IL16: variants seen among roughly 807,000 people sequenced by gnomAD.
The protein encoded by IL16 is interleukin 16.
In IL16, 67 loss-of-function variants were observed where a neutral mutation model predicts 110.1. That is an observed-to-expected ratio of 0.61 (90% confidence interval 0.50 to 0.75). The LOEUF is 0.75. IL16 is among the 30% of genes least tolerant of loss of function. IL16 has a pLI of 0.00. For synonymous variants in IL16, 689 were observed against 662.9 expected (o/e 1.04, Z -0.61); for missense variants, 1,545 against 1,655.0 (o/e 0.93, Z 1.15).
Position 81,292,560 on chromosome 15 carries a change from C to G in IL16, c.1425C>G (p.Val475=). The G allele has an allele frequency of 6.2e-7, 1 of 1,606,610 alleles. No homozygotes were observed. Among genetic ancestry groups the G allele is most frequent in the African/African-American group, 1.3e-5 (1 of 74,902 alleles). Residue 475 remains valine, a synonymous_variant, in exon 12 of 19, where the codon GTC becomes GTG. Coordinates refer to ENST00000683961, the MANE Select transcript of IL16 (RefSeq NM_172217.5). Reference sequence around the variant, plus strand: ...TCTCTTGTGCTTCCCACACAGGTGTCAAAAGGCTGGAAAGCAGTTGGCACG... The same window carrying G: ...TCTCTTGTGCTTCCCACACAGGTGTGAAAAGGCTGGAAAGCAGTTGGCACG... ...KERHQWSLEG[V]KRLESSWHGR...
chr15:81,285,508 G>C (rs566024097), intron 9 of IL16, among the ~76,000 whole-genome samples, 190 bp from the exon 10 acceptor site: 16 of 152,336 alleles, frequency 1.1e-4, no homozygotes, highest in African/African-American at 3.8e-4. Context: ...TGTACGGTAA[G>C]GGGGTATGGG....
At chr15:81,272,321 G>T (rs965466409) in intron 5 of IL16, among the ~76,000 whole-genome samples, 2 of 152,194 alleles carry the variant, frequency 1.3e-5, no homozygotes, top group Non-Finnish European at 2.9e-5. Context: ...ATTTGCAGGG[G>T]AAGCTGTGCC....
chr15:81,279,629 C>A lies in IL16; in HGVS notation c.936C>A (p.His312Gln), dbSNP rs1205938737. The A allele has an allele frequency of 1.9e-6, 3 of 1,614,222 alleles. No homozygotes were observed. Among genetic ancestry groups the A allele is most frequent in the Admixed American group, 3.3e-5 (2 of 60,036 alleles). Residue 312 changes from histidine (H) to glutamine (Q), a missense_variant, in exon 8 of 19, where the codon CAC (histidine) becomes CAA (glutamine). Coordinates refer to ENST00000683961, the MANE Select transcript of IL16 (RefSeq NM_172217.5). ...CGGCGCCTCCTTCCCTGTGCAGCCA[C>A]CTGTCTCCCCCACTGTGCCGCTCCC... ...RLTAPPSLCS[H>Q]LSPPLCRSLS...
chr15:81,279,869 C>A, intron 8 of IL16, 95 bp downstream of exon 8: 3 of 1,052,974 alleles, frequency 2.8e-6, no homozygotes, highest in Non-Finnish European at 4.3e-6. Context: ...AGAGGTAGGG[C>A]AGGATGTTGT....
At chr15:81,236,793 C>T (rs1199924239) in intron 2 of IL16, among the ~76,000 whole-genome samples, 3 of 151,922 alleles carry the variant, frequency 2.0e-5, no homozygotes, top group Non-Finnish European at 4.4e-5. Flanking sequence ...CCTGTCTCTA[C>T]GAAATACACA....
In IL16 at chr15:81,303,712, A is replaced by G; in HGVS notation, c.3420+62A>G. 8.8e-7 allele frequency: 1 copy of G among 1,132,688 alleles called. No individual in the cohort carries two copies. Among genetic ancestry groups the G allele is most frequent in the Non-Finnish European group, 1.3e-6 (1 of 745,058 alleles). 70.2% of individuals were successfully genotyped at this position (1,132,688 alleles called of 1,614,324 possible). A position where few individuals can be genotyped will look rare whatever the true frequency, so the allele number is the denominator to read the frequency against. ...GGCAATGGTTCTGGGGGAGGGGGAC[A>G]CACTTGCCAGGAAGGGGCCCTGTGC... On this transcript the variant is annotated intron_variant, in intron 16 of 18. Coordinates refer to ENST00000683961, the MANE Select transcript of IL16 (RefSeq NM_172217.5). The surrounding 1 kb of genome is among the most constrained non-coding windows in gnomAD (Gnocchi z 4.1).
chr15:81,221,455 C>G (rs1448636697), intron 1 of IL16, among the ~76,000 whole-genome samples: 1 of 152,116 alleles, frequency 6.6e-6, no homozygotes, highest in African/African-American at 2.4e-5. Context: ...CATGGGCTTG[C>G]CCCCCAGCTC....
intron 2 of IL16, among the ~76,000 whole-genome samples, chr15:81,230,136 G>A (rs1477143981): frequency 2.6e-5 from 4 of 152,126 alleles, no homozygotes; most frequent in Admixed American, 2.6e-4. Context: ...GTTTGTTCTG[G>A]GGGAGCTTCT....
At position 81,225,456 on chromosome 15, in the gene IL16, C is replaced by T. The variant is rs1369496142; in HGVS notation, c.57C>T (p.Ile19=). 3.1e-6 allele frequency: 5 copies of T among 1,614,076 alleles called. No homozygotes were observed. The highest frequency in any genetic ancestry group is 2.2e-5 in the East Asian group (1 of 44,888). Residue 19 remains isoleucine, a synonymous_variant, in exon 2 of 19, where the codon ATC becomes ATT. Transcript: ENST00000683961. ...GAAAATCTGCAAAATTTCGGTCCAT[C>T]TCCAGGTCCCTGATGCTCTGTAATG... ...KSRKSAKFRS[I]SRSLMLCNAK...
chr15:81,272,972 C>T (rs1029165862), intron 5 of IL16, 118 bp from the exon 6 acceptor site: 3 of 680,474 alleles, frequency 4.4e-6, no homozygotes, highest in African/African-American at 1.8e-5. Context: ...AGACCAAAGG[C>T]ACCTTCTCTC....
intron 1 of IL16, among the ~76,000 whole-genome samples, chr15:81,202,606 A>G: frequency 6.6e-6 from 1 of 151,984 alleles, no homozygotes; most frequent in Non-Finnish European, 1.5e-5. Context: ...TAGTTTGCTG[A>G]GAATGATGGT....
chr15:81,212,381 G>A (rs1896280887), intron 1 of IL16, among the ~76,000 whole-genome samples: 1 of 151,854 alleles, frequency 6.6e-6, no homozygotes, highest in Non-Finnish European at 1.5e-5. Context: ...TCTTATGTGT[G>A]TTTATGTGAT....
intron 2 of IL16, among the ~76,000 whole-genome samples, chr15:81,227,089 G>A (rs2142043987): frequency 6.6e-6 from 1 of 152,234 alleles, no homozygotes; most frequent in Non-Finnish European, 1.5e-5. Flanking sequence ...CAAGAGGGGT[G>A]TAGGAGGGCT....
chr15:81,293,943 T>C (rs1415363191), intron 12 of IL16, among the ~76,000 whole-genome samples: 2 of 152,234 alleles, frequency 1.3e-5, no homozygotes, highest in African/African-American at 2.4e-5. Context: ...CAAGTTCACA[T>C]TGCTAGTGGG....
At chr15:81,260,419 A>G (rs1055697770) in intron 3 of IL16, among the ~76,000 whole-genome samples, 1 of 152,236 alleles carries the variant, frequency 6.6e-6, no homozygotes. Flanking sequence ...ATTTATATAT[A>G]ACTATTTCAG....
At chr15:81,298,414 C>G (rs1448634797) in intron 13 of IL16, among the ~76,000 whole-genome samples, 6 of 152,224 alleles carry the variant, frequency 3.9e-5, no homozygotes, top group Non-Finnish European at 7.3e-5. Context: ...CTCTCCCTTA[C>G]CCATGCAGAT....
intron 1 of IL16, among the ~76,000 whole-genome samples, chr15:81,220,730 G>C (rs753233540): frequency 6.6e-6 from 1 of 150,830 alleles, no homozygotes; most frequent in Non-Finnish European, 1.5e-5. Context: ...CCTTTCCTCC[G>C]GTAGGTTAGC....
intron 2 of IL16, among the ~76,000 whole-genome samples, chr15:81,232,895 T>G (rs1444857737): frequency 2.0e-5 from 3 of 152,170 alleles, no homozygotes; most frequent in Non-Finnish European, 4.4e-5. Context: ...AGGAAATACT[T>G]TCTCTTTTCC....
rs1899794681 is a variant in IL16, at chr15:81,292,764, C to A, written c.1629C>A (p.Ser543Arg). 2.5e-6 allele frequency: 4 copies of A among 1,614,148 alleles called. No homozygotes were observed. Among genetic ancestry groups the A allele is most frequent in the Non-Finnish European group, 3.4e-6 (4 of 1,180,016 alleles). The change falls in exon 12 of 19, where the codon AGC becomes AGA. Residue 543 changes from serine to arginine, a missense_variant. By Grantham distance (110) the Ser-to-Arg change is moderately radical (BLOSUM62 -1). Transcript: ENST00000683961. ...CTGACGTGGACATCAGCACACACAG[C>A]CCCAGCTTGCCTCTGGCACGGGAGC... ...PSSDVDISTH[S>R]PSLPLAREPV...
Sources: gnomAD v4.1 joint callset for allele counts (sites outside exome capture counted in the v4.1 genomes callset) on GRCh38, gnomAD v4.1.1 for gene constraint, Gnocchi (gnomAD v3.1) non-coding constraint, MANE v1.5 for transcripts, NCBI Gene and HGNC (gene_info 2026-07-23, HGNC 2026-07-21) for gene names.